AUTS2: variants seen among roughly 807,000 people sequenced by gnomAD.
AUTS2 encodes autism susceptibility gene 2 protein.
In AUTS2, 17 loss-of-function variants were observed where a neutral mutation model predicts 112.4. The ratio of observed to expected loss-of-function variants is 0.15; its 90% CI spans 0.10 to 0.23. The LOEUF (loss-of-function observed/expected upper bound fraction) is 0.23. Among genes scored for constraint, AUTS2 ranks in the 10% least tolerant of loss-of-function variants. The pLI is 1.00. For missense variants in AUTS2, 1,510 were observed against 1,701.6 expected (o/e 0.89, Z 1.98); for synonymous variants, 751 against 702.7 (o/e 1.07, Z -1.09).
At chr7:69,911,240 G>T (rs1475128406) in intron 2 of AUTS2, among the ~76,000 whole-genome samples, 1 of 152,202 alleles carries the variant, frequency 6.6e-6, no homozygotes, top group Non-Finnish European at 1.5e-5. Flanking sequence ...ACTGCATGTG[G>T]CTTCCACTGT....
chr7:70,480,196 T>A (rs2063127925), intron 5 of AUTS2, among the ~76,000 whole-genome samples: 1 of 152,254 alleles, frequency 6.6e-6, no homozygotes, highest in African/African-American at 2.4e-5. Context: ...TAGACGGATA[T>A]GTCCAGTGTA....
chr7:70,483,094 A>C (rs1797853576), intron 5 of AUTS2, among the ~76,000 whole-genome samples: 1 of 152,076 alleles, frequency 6.6e-6, no homozygotes. Flanking sequence ...CAAGCTTTAG[A>C]GGGACTTGGA....
chr7:70,713,461 A>C lies in AUTS2; in HGVS notation c.742+14841A>C, dbSNP rs183253135. The stretch of plus-strand genomic sequence containing the variant: ...TTTTCCCAAAAAATGTAAAACTCTT[A>C]AGAAGTTTAAGTAAGTTACCTAAAT... On this transcript the variant is annotated intron_variant, in intron 6 of 18. Coordinates refer to ENST00000342771, the MANE Select transcript of AUTS2 (RefSeq NM_015570.4). Among the ~76,000 whole-genome samples, 366 of 152,352 alleles carry C rather than the reference A, an allele frequency of 2.4e-3. 2 individuals are homozygous for C. The highest frequency in any genetic ancestry group is 2.5e-3 in the Non-Finnish European group (170 of 68,034).
In AUTS2 at chr7:70,513,666, C is replaced by CTTTTT. The variant is rs35815016; in HGVS notation, c.690+77897_690+77901dup. 2.8e-5 allele frequency among the ~76,000 whole-genome samples: 4 copies of CTTTTT among 140,428 alleles called. 1 individual carries two copies. The highest frequency in any genetic ancestry group is 1.6e-5 in the Non-Finnish European group (1 of 64,320). The allele number at this position is 140,428 out of a possible 152,430, so 92.1% of individuals were successfully genotyped here. ...TAGAAATCATCTACTTTTCTGTTTCCTTTTTTTTTTTTTTTTGAGATGGAG... is the reference window on the plus strand; with the variant it reads ...TAGAAATCATCTACTTTTCTGTTTCCTTTTTTTTTTTTTTTTTTTTTGAGATGGAG... On this transcript the variant is annotated intron_variant, in intron 5 of 18. Coordinates refer to ENST00000342771, the MANE Select transcript of AUTS2 (RefSeq NM_015570.4).
chr7:70,637,704 C>A (rs1449807175), intron 5 of AUTS2, among the ~76,000 whole-genome samples: 1 of 152,126 alleles, frequency 6.6e-6, no homozygotes, highest in East Asian at 1.9e-4. Flanking sequence ...AGCGATTTCC[C>A]TAAGTAGGGG....
At chr7:70,736,819 C>A (rs959509427) in intron 6 of AUTS2, among the ~76,000 whole-genome samples, 2 of 152,222 alleles carry the variant, frequency 1.3e-5, no homozygotes, top group Non-Finnish European at 2.9e-5. Context: ...AAGTGCATCT[C>A]TGCCTGTTAG....
chr7:69,810,593 G>T (rs1790505807), intron 1 of AUTS2, among the ~76,000 whole-genome samples: 1 of 152,068 alleles, frequency 6.6e-6, no homozygotes, highest in African/African-American at 2.4e-5. Flanking sequence ...TGTGGGTAGA[G>T]AACTAGGGTT....
At chr7:70,785,500 T>C in intron 16 of AUTS2, 1 of 467,180 alleles carries the variant, frequency 2.1e-6, no homozygotes, top group Non-Finnish European at 4.3e-6. Flanking sequence ...CCTTTGTGTA[T>C]TCGATCCCAT....
intron 2 of AUTS2, among the ~76,000 whole-genome samples, chr7:69,930,934 A>G (rs140574498): frequency 1.6e-3 from 239 of 152,294 alleles, no homozygotes; most frequent in African/African-American, 5.7e-3. Flanking sequence ...TAAGGTGAGT[A>G]TTCAGGGAAT....
At chr7:69,842,509 A>G (rs187217431) in intron 1 of AUTS2, among the ~76,000 whole-genome samples, 127 of 152,276 alleles carry the variant, frequency 8.3e-4, no homozygotes, top group African/African-American at 3.0e-3. Context: ...TAAGTGACTA[A>G]ATTTTGATCA....
chr7:69,667,681 C>T (rs900266730), intron 1 of AUTS2, among the ~76,000 whole-genome samples: 2 of 152,244 alleles, frequency 1.3e-5, no homozygotes, highest in Middle Eastern at 3.4e-3. Context: ...GACAGTGGGG[C>T]TGTAATAGTA....
intron 5 of AUTS2, among the ~76,000 whole-genome samples, chr7:70,574,570 C>A (rs148538192): frequency 6.6e-6 from 1 of 152,290 alleles, no homozygotes; most frequent in African/African-American, 2.4e-5. Context: ...GAAGTTTGGG[C>A]TTTTCCATTA....
chr7:69,618,240 C>A (rs183351618), intron 1 of AUTS2, among the ~76,000 whole-genome samples: 6 of 152,298 alleles, frequency 3.9e-5, no homozygotes, highest in Admixed American at 3.9e-4. Context: ...GCTCCCCTCG[C>A]CTCCATTTTA....
At chr7:69,866,999 T>G (rs1793265479) in intron 1 of AUTS2, among the ~76,000 whole-genome samples, 1 of 152,232 alleles carries the variant, frequency 6.6e-6, no homozygotes, top group Non-Finnish European at 1.5e-5. Flanking sequence ...TTAGCCAACT[T>G]GAGCAAGTAA....
chr7:69,988,742 A>G (rs1418645277), intron 2 of AUTS2, among the ~76,000 whole-genome samples: 1 of 152,156 alleles, frequency 6.6e-6, no homozygotes, highest in African/African-American at 2.4e-5. Flanking sequence ...TTAACAACAC[A>G]TCCCCCTCTA....
intron 4 of AUTS2, among the ~76,000 whole-genome samples, chr7:70,177,183 C>T (rs1363903040): frequency 6.6e-6 from 1 of 152,154 alleles, no homozygotes; most frequent in Non-Finnish European, 1.5e-5. Context: ...ATCCTGATGC[C>T]AGCAAGCAGT....
chr7:70,648,405 G>T (rs950192373), intron 5 of AUTS2, among the ~76,000 whole-genome samples: 2 of 152,146 alleles, frequency 1.3e-5, no homozygotes, highest in Admixed American at 6.5e-5. Context: ...TCAGGGACAG[G>T]CGTGGGAGCA....
intron 4 of AUTS2, among the ~76,000 whole-genome samples, chr7:70,218,220 G>T (rs538847830): frequency 1.3e-5 from 2 of 152,206 alleles, no homozygotes; most frequent in African/African-American, 4.8e-5. Flanking sequence ...GGGCAGTGAG[G>T]CAGTTCTCTG....
At chr7:70,781,786 G>A in intron 15 of AUTS2, 30 bp downstream of exon 15, 2 of 1,608,450 alleles carry the variant, frequency 1.2e-6, no homozygotes, top group Non-Finnish European at 1.7e-6. Flanking sequence ...GGGGGACAGA[G>A]CTGAGAAATG....
Sources: gnomAD v4.1 joint callset for allele counts (sites outside exome capture counted in the v4.1 genomes callset) on GRCh38, gnomAD v4.1.1 for gene constraint, MANE v1.5 for transcripts, NCBI Gene and HGNC (gene_info 2026-07-23, HGNC 2026-07-21) for gene names.